Variants in RNF152 observed in about 807,000 individuals in gnomAD.
RNF152 encodes the protein ring finger protein 152, also known as E3 ubiquitin-protein ligase RNF152.
RNF152 carries 11 observed loss-of-function variants against 12.7 expected under a neutral mutation model. The observed-to-expected ratio is 0.86, with a 90% CI of 0.54 to 1.43. The LOEUF (loss-of-function observed/expected upper bound fraction) is 1.43. Among genes scored for constraint, RNF152 ranks in the 40% most tolerant of loss-of-function variants. The pLI is 0.00. For synonymous variants in RNF152, 113 were observed against 120.3 expected, an observed-to-expected ratio of 0.94 and a Z score of 0.40; for missense variants, 255 against 274.8, an observed-to-expected ratio of 0.93 and a Z score of 0.51.
intron 1 of RNF152, among the ~76,000 whole-genome samples, chr18:61,870,850 C>G (rs1248282973): frequency 6.6e-6 from 1 of 152,122 alleles, no homozygotes; most frequent in African/African-American, 2.4e-5. Flanking sequence ...TGATGCCCAC[C>G]TGACTCCTAA....
intron 1 of RNF152, among the ~76,000 whole-genome samples, chr18:61,838,539 AC>A (rs1378738052): frequency 1.3e-5 from 2 of 151,816 alleles, no homozygotes; most frequent in Non-Finnish European, 2.9e-5. Context: ...GCTTAAACCA[AC>A]CCCCTTTTCT....
intron 1 of RNF152, among the ~76,000 whole-genome samples, chr18:61,840,134 T>C (rs1910385633): frequency 6.6e-6 from 1 of 152,214 alleles, no homozygotes; most frequent in African/African-American, 2.4e-5. Flanking sequence ...TTATTTGCTC[T>C]TTCCCTCATG....
At position 61,820,331 on chromosome 18, in the gene RNF152, C is replaced by CAAAAAAAAAAAAAAAAA. The variant is rs1344591753; in HGVS notation, c.-135-3750_-135-3734dup. Among the ~76,000 whole-genome samples, 2 of 39,980 alleles carry CAAAAAAAAAAAAAAAAA rather than the reference C, an allele frequency of 5.0e-5. 1 individual carries two copies. Among genetic ancestry groups the CAAAAAAAAAAAAAAAAA allele is most frequent in the African/African-American group, 2.9e-4 (2 of 6,838 alleles). 26.2% of individuals were successfully genotyped at this position (39,980 alleles called of 152,430 possible). ...GTGACAGAGAGAGACTCCGTCTCAC[C>CAAAAAAAAAAAAAAAAA]AAAAAAAAAAAAAAAAAAAAAAAAA... On this transcript the variant is annotated intron_variant, in intron 1 of 1. Transcript: ENST00000312828.
chr18:61,834,685 A>T (rs910596398), intron 1 of RNF152, among the ~76,000 whole-genome samples: 28 of 152,250 alleles, frequency 1.8e-4, no homozygotes, highest in Middle Eastern at 3.4e-3. Context: ...GGCCATTTTT[A>T]AAAAAAATTA....
intron 1 of RNF152, chr18:61,888,074 C>CA (rs1912777993): frequency 6.6e-6 from 1 of 152,164 alleles, no homozygotes; most frequent in Non-Finnish European, 1.5e-5. Context: ...AGGATGTTTG[C>CA]AATGAGTTTT....
intron 1 of RNF152, among the ~76,000 whole-genome samples, chr18:61,873,085 T>C: frequency 6.6e-6 from 1 of 152,198 alleles, no homozygotes; most frequent in East Asian, 1.9e-4. Context: ...TGCCACTTGC[T>C]AGCACAATCT....
In RNF152 at chr18:61,816,040, G is replaced by C. The variant is rs766655605; in HGVS notation, c.424C>G (p.Leu142Val). ...VVTIPAEQQP[L>V]QGGAPQEAVE... ...GCCTCCTGGGGAGCCCCACCTTGCA[G>C]AGGCTGCTGTTCAGCAGGGATGGTC... Residue 142 changes from leucine to valine, a missense_variant, in exon 2 of 2, where the codon CTG (leucine) becomes GTG (valine). Coordinates refer to ENST00000312828, the MANE Select transcript of RNF152 (RefSeq NM_173557.3). 4.3e-6 allele frequency: 7 copies of C among 1,614,108 alleles called. No homozygotes were observed. Among genetic ancestry groups the C allele is most frequent in the Non-Finnish European group, 5.9e-6 (7 of 1,180,054 alleles).
At chr18:61,878,957 T>C (rs1044552553) in intron 1 of RNF152, among the ~76,000 whole-genome samples, 6 of 152,178 alleles carry the variant, frequency 3.9e-5, no homozygotes, top group Non-Finnish European at 5.9e-5. Flanking sequence ...GGCAACCATA[T>C]GCAGAATTTT....
chr18:61,844,150 A>AATT, intron 1 of RNF152, among the ~76,000 whole-genome samples: 2 of 96,430 alleles, frequency 2.1e-5, no homozygotes, highest in Non-Finnish European at 2.6e-5. Context: ...AATTAAGAGA[A>AATT]AAGGAAGGAA....
At chr18:61,890,209 T>C (rs80265400) in intron 1 of RNF152, among the ~76,000 whole-genome samples, 17 of 152,318 alleles carry the variant, frequency 1.1e-4, no homozygotes, top group Non-Finnish European at 2.1e-4. Context: ...CTAGGTCCCA[T>C]AGGACACACT....
intron 1 of RNF152, among the ~76,000 whole-genome samples, chr18:61,824,172 T>A (rs1312044997): frequency 6.6e-6 from 1 of 152,264 alleles, no homozygotes; most frequent in Non-Finnish European, 1.5e-5. Flanking sequence ...TGTTTGTATA[T>A]CTGCCAATCA....
chr18:61,816,283 G>T lies in RNF152; in HGVS notation c.181C>A (p.Pro61Thr). The T allele has an allele frequency of 1.2e-6, 2 of 1,614,222 alleles. No homozygotes were observed. The highest frequency in any genetic ancestry group is 1.7e-6 in the Non-Finnish European group (2 of 1,180,042). Reference sequence around the variant, plus strand: ...AGCTGCGACACGGAGAAGCCGGGAGGCAGCTTGGTGACACCGCGGCACCAG... The same window carrying T: ...AGCTGCGACACGGAGAAGCCGGGAGTCAGCTTGGTGACACCGCGGCACCAG... Reference protein sequence around the residue: ...CPWCRGVTKLPPGFSVSQLPD... With the variant: ...CPWCRGVTKLTPGFSVSQLPD... Residue 61 changes from proline to threonine, a missense_variant, in exon 2 of 2, where the codon CCT becomes ACT. Pro to Thr is a conservative substitution (Grantham distance 38, BLOSUM62 -1). Coordinates refer to ENST00000312828, the MANE Select transcript of RNF152 (RefSeq NM_173557.3).
chr18:61,869,807 C>T (rs778299161), intron 1 of RNF152, among the ~76,000 whole-genome samples: 2 of 152,200 alleles, frequency 1.3e-5, no homozygotes, highest in Non-Finnish European at 2.9e-5. Context: ...TAAACTCAGA[C>T]AAGCCACTTA....
chr18:61,843,538 A>G (rs1453521276), intron 1 of RNF152, among the ~76,000 whole-genome samples: 1 of 152,242 alleles, frequency 6.6e-6, no homozygotes, highest in Non-Finnish European at 1.5e-5. Context: ...TAGCTAAAAC[A>G]TGGGAAAATA....
intron 1 of RNF152, among the ~76,000 whole-genome samples, chr18:61,830,995 T>A (rs1909914703): frequency 6.6e-6 from 1 of 152,214 alleles, no homozygotes; most frequent in South Asian, 2.1e-4. Flanking sequence ...TTATATGAAG[T>A]TATATTTCAC....
At position 61,815,915 on chromosome 18, in the gene RNF152, G is replaced by A. The variant is rs150541292; in HGVS notation, c.549C>T (p.Leu183=). The A allele has an allele frequency of 9.7e-5, 157 of 1,614,184 alleles. No individual in the cohort carries two copies. The highest frequency in any genetic ancestry group is 7.1e-5 in the Non-Finnish European group (84 of 1,180,032). ...ILVACVLVFL[L]GIVLHNMSCI... ...AAGACATGTTGTGAAGCACGATGCC[G>A]AGGAGGAAGACCAAGACGCAAGCCA... The change falls in exon 2 of 2, where the codon CTC becomes CTT. Residue 183 remains leucine, a synonymous_variant. Transcript: ENST00000312828.
At chr18:61,818,854 A>T (rs551888657) in intron 1 of RNF152, among the ~76,000 whole-genome samples, 1 of 152,194 alleles carries the variant, frequency 6.6e-6, no homozygotes, top group Non-Finnish European at 1.5e-5. Flanking sequence ...TGTAACTAAG[A>T]TCTTGTCATT....
chr18:61,864,960 C>T (rs1251508493), intron 1 of RNF152, among the ~76,000 whole-genome samples: 1 of 152,026 alleles, frequency 6.6e-6, no homozygotes, highest in Non-Finnish European at 1.5e-5. Flanking sequence ...GCGGAGGTTG[C>T]AGTGAGCTGA....
chr18:61,808,959 C>T lies in RNF152; in HGVS notation c.*6893G>A, dbSNP rs1912825962. The T allele has an allele frequency of 1.3e-5, 2 of 152,200 alleles. No homozygotes were observed. Among genetic ancestry groups the T allele is most frequent in the Non-Finnish European group, 2.9e-5 (2 of 68,064 alleles). The allele number at this position is 152,200 out of a possible 1,614,324, so 9.4% of individuals were successfully genotyped here. ...CCCTCATGAGCTGAGCACATTACCC[C>T]ACATGTCTTCAACTGAAGCATCCTG... On this transcript the variant is annotated 3_prime_UTR_variant, in exon 2 of 2. Coordinates refer to ENST00000312828, the MANE Select transcript of RNF152 (RefSeq NM_173557.3).
Sources: gnomAD v4.1 joint callset for allele counts (sites outside exome capture counted in the v4.1 genomes callset) on GRCh38, gnomAD v4.1.1 for gene constraint, MANE v1.5 for transcripts, NCBI Gene and HGNC (gene_info 2026-07-23, HGNC 2026-07-21) for gene names.